ARK2N: variants seen among roughly 807,000 people sequenced by gnomAD.
ARK2N encodes the protein protein ARK2N.
chr18:46,190,171 A>G, the ARK2N span, among the ~76,000 whole-genome samples: 1 of 152,192 alleles, frequency 6.6e-6, no homozygotes, highest in Non-Finnish European at 1.5e-5. Flanking sequence ...AGAATTTTTT[A>G]GAGATAGTTG....
the ARK2N span, among the ~76,000 whole-genome samples, chr18:46,208,171 T>C: frequency 6.6e-6 from 1 of 152,296 alleles, no homozygotes; most frequent in Admixed American, 6.5e-5. Flanking sequence ...ATGTTGTACT[T>C]CCCTGGTTCT....
the ARK2N span, among the ~76,000 whole-genome samples, chr18:46,235,526 C>G: frequency 6.6e-6 from 1 of 152,214 alleles, no homozygotes; most frequent in Non-Finnish European, 1.5e-5. Context: ...TTCTTTAACC[C>G]TCACCATAAC....
chr18:46,236,280 T>C, the ARK2N span, among the ~76,000 whole-genome samples: 1 of 152,204 alleles, frequency 6.6e-6, no homozygotes, highest in African/African-American at 2.4e-5. Context: ...CCCAAAGTGC[T>C]GGGATTATAG....
chr18:46,237,029 A>G, the ARK2N span, among the ~76,000 whole-genome samples: 1 of 151,778 alleles, frequency 6.6e-6, no homozygotes, highest in Non-Finnish European at 1.5e-5. Flanking sequence ...CACCCGGCTA[A>G]TTTTTGTAAT....
the ARK2N span, among the ~76,000 whole-genome samples, chr18:46,192,278 A>G: frequency 2.0e-5 from 3 of 152,136 alleles, no homozygotes; most frequent in Admixed American, 6.6e-5. Context: ...AGAGTGATTA[A>G]GAATGTGGAC....
the ARK2N span, among the ~76,000 whole-genome samples, chr18:46,202,534 T>A: frequency 1.3e-5 from 2 of 152,094 alleles, no homozygotes; most frequent in Non-Finnish European, 2.9e-5. Context: ...TTGTGTAGAC[T>A]ATATTTGTGT....
At chr18:46,202,381 A>G in the ARK2N span, among the ~76,000 whole-genome samples, 5 of 152,220 alleles carry the variant, frequency 3.3e-5, no homozygotes, top group South Asian at 6.2e-4. Flanking sequence ...GGCATTCAAC[A>G]TAGGAAAGGC....
the ARK2N span, among the ~76,000 whole-genome samples, chr18:46,199,767 T>C: frequency 6.6e-6 from 1 of 152,190 alleles, no homozygotes; most frequent in Non-Finnish European, 1.5e-5. Flanking sequence ...AACTCTCCCC[T>C]AGATCTCCTT....
chr18:46,242,981 A>G, the ARK2N span, among the ~76,000 whole-genome samples: 2 of 152,300 alleles, frequency 1.3e-5, no homozygotes, highest in African/African-American at 4.8e-5. Flanking sequence ...TGCATATTGG[A>G]CTATAAATTT....
At chr18:46,239,941 T>G in the ARK2N span, 1 of 1,475,488 alleles carries the variant, frequency 6.8e-7, no homozygotes, top group Admixed American at 1.7e-5. Context: ...GGGCTCTTAC[T>G]AGTTTCAGAA....
At chr18:46,260,013 G>A in the ARK2N span, among the ~76,000 whole-genome samples, 7 of 149,860 alleles carry the variant, frequency 4.7e-5, no homozygotes, top group Admixed American at 3.4e-4. Context: ...GATCCACTGT[G>A]CCAGCCTATT....
chr18:46,189,841 G>A, the ARK2N span, among the ~76,000 whole-genome samples: 2 of 152,124 alleles, frequency 1.3e-5, no homozygotes, highest in Non-Finnish European at 2.9e-5. Flanking sequence ...TCTAGCCTGG[G>A]TGACAGAGTG....
At chr18:46,198,757 C>T in the ARK2N span, among the ~76,000 whole-genome samples, 17 of 152,184 alleles carry the variant, frequency 1.1e-4, no homozygotes, top group South Asian at 3.5e-3. Context: ...CACCATCACA[C>T]CTGGCTAATT....
At chr18:46,245,387 G>C in the ARK2N span, among the ~76,000 whole-genome samples, 2 of 151,880 alleles carry the variant, frequency 1.3e-5, no homozygotes, top group Admixed American at 1.3e-4. Context: ...CCAATATGGT[G>C]AAACCCCATC....
At chr18:46,264,125 C>T in the ARK2N span, 3 of 152,372 alleles carry the variant, frequency 2.0e-5, no homozygotes, top group African/African-American at 7.3e-5. Flanking sequence ...TATTTTTCTC[C>T]TCTACCTTCT....
chr18:46,219,582 GC>G, the ARK2N span, among the ~76,000 whole-genome samples: 2 of 151,482 alleles, frequency 1.3e-5, no homozygotes, highest in African/African-American at 4.9e-5. Context: ...CGATTCTCCT[GC>G]CTCAGCCTCC....
At chr18:46,204,004 C>T in the ARK2N span, among the ~76,000 whole-genome samples, 4,347 of 151,838 alleles carry the variant, frequency 0.029, 193 homozygotes, top group African/African-American at 0.099. Flanking sequence ...TGAGTTTTTA[C>T]GGGGAGGGAA....
chr18:46,260,940 C>G, the ARK2N span, among the ~76,000 whole-genome samples: 4 of 152,158 alleles, frequency 2.6e-5, no homozygotes, highest in African/African-American at 9.7e-5. Context: ...AAAGCCACTG[C>G]TTGACGTTAC....
At chr18:46,179,605 T>C in the ARK2N span, among the ~76,000 whole-genome samples, 1 of 151,298 alleles carries the variant, frequency 6.6e-6, no homozygotes, top group Non-Finnish European at 1.5e-5. Flanking sequence ...TAAAAAGTAA[T>C]CTTGCTTTTT....
Sources: gnomAD v4.1 joint callset for allele counts (sites outside exome capture counted in the v4.1 genomes callset) on GRCh38, gnomAD v4.1.1 for gene constraint, MANE v1.5 for transcripts, NCBI Gene and HGNC (gene_info 2026-07-23, HGNC 2026-07-21) for gene names.